Variants in LRRC37A2 observed in about 807,000 individuals in gnomAD.
LRRC37A2 encodes the protein leucine-rich repeat-containing protein 37A2.
Under a neutral mutation model 68.8 loss-of-function variants are expected in LRRC37A2, and 9 were observed. That is an observed-to-expected ratio of 0.13 (90% confidence interval 0.08 to 0.23). The LOEUF (loss-of-function observed/expected upper bound fraction) is 0.23, where lower values mean the gene tolerates loss of function less well. LRRC37A2 is among the 10% of genes least tolerant of loss of function. The pLI is 1.00. For missense variants in LRRC37A2, 168 were observed against 950.4 expected (o/e 0.18, Z 10.82); for synonymous variants, 63 against 367.6 (o/e 0.17, Z 9.48).
At chr17:46,920,431 G>GA in the LRRC37A2 span, among the ~76,000 whole-genome samples, 111 of 152,144 alleles carry the variant, frequency 7.3e-4, 1 homozygote, top group African/African-American at 2.6e-3. Flanking sequence ...TAGAAAAAGT[G>GA]AAAAAAATAA....
At chr17:46,875,263 T>A in the LRRC37A2 span, 1 of 1,614,118 alleles carries the variant, frequency 6.2e-7, no homozygotes, top group Non-Finnish European at 8.5e-7. Flanking sequence ...GGTGACAACC[T>A]CAAGTACAGC....
At chr17:46,920,299 A>C in the LRRC37A2 span, among the ~76,000 whole-genome samples, 12 of 152,172 alleles carry the variant, frequency 7.9e-5, no homozygotes, top group Non-Finnish European at 1.5e-4. Flanking sequence ...TTAATAATGT[A>C]GCTTGAGGGT....
chr17:46,908,355 G>T, the LRRC37A2 span, among the ~76,000 whole-genome samples: 5 of 152,252 alleles, frequency 3.3e-5, no homozygotes, highest in East Asian at 7.7e-4. Context: ...GGTCCTGGGC[G>T]CTTCCCTTTC....
chr17:46,493,941 A>G, the LRRC37A2 span, among the ~76,000 whole-genome samples: 14 of 151,144 alleles, frequency 9.3e-5, no homozygotes, highest in Middle Eastern at 3.4e-3. Context: ...TCCAGGTTCA[A>G]GGTGATCCTC....
At chr17:46,733,036 C>T in the LRRC37A2 span, among the ~76,000 whole-genome samples, 1 of 152,190 alleles carries the variant, frequency 6.6e-6, no homozygotes, top group Non-Finnish European at 1.5e-5. Context: ...CTGCAGTTCA[C>T]CCTCCCTGAG....
At chr17:46,859,655 G>A in the LRRC37A2 span, among the ~76,000 whole-genome samples, 9 of 152,090 alleles carry the variant, frequency 5.9e-5, no homozygotes, top group East Asian at 1.9e-4. Context: ...CTATTTTTTC[G>A]AAATTGCATG....
chr17:46,979,032 G>GC, the LRRC37A2 span: 2 of 1,386,802 alleles, frequency 1.4e-6, no homozygotes, highest in Non-Finnish European at 1.8e-6. Context: ...GGGGGTCTCG[G>GC]CGCGCAGTCC....
the LRRC37A2 span, among the ~76,000 whole-genome samples, chr17:47,029,086 G>C: frequency 6.6e-6 from 1 of 152,108 alleles, no homozygotes; most frequent in Admixed American, 6.5e-5. Context: ...GCTGAGGCAC[G>C]AGAATGGCTT....
At chr17:46,839,347 C>T in the LRRC37A2 span, among the ~76,000 whole-genome samples, 1 of 152,194 alleles carries the variant, frequency 6.6e-6, no homozygotes, top group Admixed American at 6.5e-5. Context: ...GGTACCTGAC[C>T]CTTGGCACTC....
chr17:47,033,598 G>C, the LRRC37A2 span, among the ~76,000 whole-genome samples: 4 of 152,138 alleles, frequency 2.6e-5, no homozygotes, highest in Non-Finnish European at 5.9e-5. Context: ...TTCAGCTAGA[G>C]CTGTTAGAAT....
At chr17:46,847,721 T>C in the LRRC37A2 span, among the ~76,000 whole-genome samples, 1 of 152,178 alleles carries the variant, frequency 6.6e-6, no homozygotes, top group Non-Finnish European at 1.5e-5. Flanking sequence ...CCAGAGTTCA[T>C]TTCCAGTGCA....
chr17:46,954,439 CGTT>C, the LRRC37A2 span, among the ~76,000 whole-genome samples: 1 of 152,152 alleles, frequency 6.6e-6, no homozygotes, highest in East Asian at 1.9e-4. Flanking sequence ...GTTACTGTAG[CGTT>C]GTAGTATAGT....
chr17:46,734,855 G>A, the LRRC37A2 span, among the ~76,000 whole-genome samples: 1 of 152,110 alleles, frequency 6.6e-6, no homozygotes, highest in African/African-American at 2.4e-5. Flanking sequence ...CCAGGAGTTC[G>A]AGACCAGCCT....
At chr17:46,750,565 A>G in the LRRC37A2 span, among the ~76,000 whole-genome samples, 2 of 152,170 alleles carry the variant, frequency 1.3e-5, no homozygotes, top group African/African-American at 4.8e-5. Flanking sequence ...CTCAACCTGT[A>G]CCTCCAGTTG....
the LRRC37A2 span, among the ~76,000 whole-genome samples, chr17:46,947,958 C>T: frequency 1.3e-5 from 2 of 152,176 alleles, no homozygotes; most frequent in African/African-American, 4.8e-5. Flanking sequence ...TTACTAGAGA[C>T]AGAGTTTCAC....
the LRRC37A2 span, among the ~76,000 whole-genome samples, chr17:46,712,057 C>G: frequency 6.6e-6 from 1 of 152,278 alleles, no homozygotes; most frequent in South Asian, 2.1e-4. Flanking sequence ...ATCATCATCA[C>G]TGCTTTATGA....
chr17:46,818,413 G>T, the LRRC37A2 span: 1 of 1,157,958 alleles, frequency 8.6e-7, no homozygotes, highest in Non-Finnish European at 1.3e-6. Context: ...GGGAGGCGAG[G>T]AGAGGAGCCC....
the LRRC37A2 span, chr17:46,930,899 A>G: frequency 1.7e-5 from 10 of 592,722 alleles, no homozygotes; most frequent in East Asian, 2.3e-4. Context: ...ATTAACAGCT[A>G]TATACATGTA....
chr17:46,900,162 C>CATATATATATATATATATATAT, the LRRC37A2 span, among the ~76,000 whole-genome samples: 2 of 101,146 alleles, frequency 2.0e-5, no homozygotes, highest in African/African-American at 9.7e-5. Context: ...TATATATATA[C>CATATATATATATATATATATAT]ATATACATAT....
Sources: allele counts gnomAD v4.1 joint callset (sites outside exome capture counted in the v4.1 genomes callset), GRCh38; gene constraint gnomAD v4.1.1; transcripts MANE v1.5; gene names NCBI Gene and HGNC (gene_info 2026-07-23, HGNC 2026-07-21).